BLZF1: variants seen among roughly 807,000 people sequenced by gnomAD.
The protein encoded by BLZF1 is golgin-45.
BLZF1 carries 39 observed loss-of-function variants against 43.8 expected under a neutral mutation model. The ratio of observed to expected loss-of-function variants is 0.89; its 90% CI spans 0.69 to 1.16. The LOEUF is 1.16. BLZF1 is among the 50% of genes most tolerant of loss of function. The probability of loss-of-function intolerance (pLI) is 0.00; values close to 1 mark genes in which losing one functional copy is unlikely to be tolerated. For synonymous variants in BLZF1, 136 were observed against 159.4 expected, an observed-to-expected ratio of 0.85 and a Z score of 1.11; for missense variants, 449 against 469.8, an observed-to-expected ratio of 0.96 and a Z score of 0.41.
chr1:169,382,372 AT>A, intron 6 of BLZF1, 91 bp downstream of exon 6: 1 of 1,160,628 alleles, frequency 8.6e-7, no homozygotes, highest in Non-Finnish European at 1.2e-6. Context: ...GGCATTAGGA[AT>A]TAGGAAATGT....
At chr1:169,392,293 G>A (rs1036101631), downstream of BLZF1, among the ~76,000 whole-genome samples, 5 of 152,146 alleles carry the variant, frequency 3.3e-5, no homozygotes, top group South Asian at 2.1e-4. Flanking sequence ...AAAACAATGC[G>A]GAAAAGGCCA....
chr1:169,378,016 G>C (rs188307899), intron 3 of BLZF1, among the ~76,000 whole-genome samples: 5 of 151,720 alleles, frequency 3.3e-5, no homozygotes, highest in African/African-American at 9.7e-5. Flanking sequence ...AAAATATATT[G>C]GTTTTGTTTT....
Position 169,382,273 on chromosome 1 carries a change from G to T in BLZF1, c.1009G>T (p.Ala337Ser). The change falls in exon 6 of 7, where the codon GCT becomes TCT. Residue 337 changes from alanine to serine, a missense_variant. Ala to Ser is a moderately conservative substitution (Grantham distance 99). Transcript: ENST00000367808. ...EFCSTPAEKMAETVLRILDPV... is the reference protein window; with the variant it reads ...EFCSTPAEKMSETVLRILDPV... ...CTGCAGCACCCCAGCTGAGAAAATG[G>T]CTGAAACGGTAAAATATTTTCTTTT... 4 of 1,612,772 alleles carry T rather than the reference G, an allele frequency of 2.5e-6. No homozygotes were observed.
chr1:169,377,077 A>G, intron 3 of BLZF1, 98 bp downstream of exon 3: 2 of 983,160 alleles, frequency 2.0e-6, no homozygotes, highest in Non-Finnish European at 3.0e-6. Flanking sequence ...TGGGAATGTC[A>G]TTCATCCTAG....
At chr1:169,377,472 C>T (rs569882329) in intron 3 of BLZF1, 2 of 153,112 alleles carry the variant, frequency 1.3e-5, no homozygotes, top group Admixed American at 1.3e-4. Context: ...ATTGCCTTGC[C>T]CCTTCCCTTG....
rs1410201533 is a variant in BLZF1 at position 169,376,641 on chromosome 1, C to T, written c.130C>T (p.His44Tyr). 1 of 1,613,328 alleles carries T rather than the reference C, an allele frequency of 6.2e-7. No homozygotes were observed. Among genetic ancestry groups the T allele is most frequent in the South Asian group, 1.1e-5 (1 of 91,056 alleles). Residue 44 changes from histidine to tyrosine, a missense_variant, in exon 3 of 7, where the codon CAT (histidine) becomes TAT (tyrosine). By Grantham distance (83) the His-to-Tyr change is moderately conservative (BLOSUM62 2). Coordinates refer to ENST00000367808, the MANE Select transcript of BLZF1 (RefSeq NM_001320973.2). Reference sequence around the variant, plus strand: ...TACCTCCGGAGTCCAATCTAGAAAGCATCATAGTCTTCAGAGTCCATGGAA... The same window carrying T: ...TACCTCCGGAGTCCAATCTAGAAAGTATCATAGTCTTCAGAGTCCATGGAA... ...EVTSGVQSRKHHSLQSPWKKA... is the reference protein window; with the variant it reads ...EVTSGVQSRKYHSLQSPWKKA...
intron 6 of BLZF1, among the ~76,000 whole-genome samples, chr1:169,383,548 C>T (rs998456819): frequency 2.0e-5 from 3 of 152,114 alleles, no homozygotes; most frequent in Non-Finnish European, 2.9e-5. Context: ...CAATTCCTAC[C>T]GTCACTTAAA....
chr1:169,376,918 C>G lies in BLZF1; in HGVS notation c.407C>G (p.Ser136Cys). 1 of 1,613,232 alleles carries G rather than the reference C, an allele frequency of 6.2e-7. No homozygotes were observed. The highest frequency in any genetic ancestry group is 8.5e-7 in the Non-Finnish European group (1 of 1,179,508). ...AATGTATTGGAAAAGCTCAAGAATTCTGAAAGAAGGTTACTACAGGACAAA... is the reference window on the plus strand; with the variant it reads ...AATGTATTGGAAAAGCTCAAGAATTGTGAAAGAAGGTTACTACAGGACAAA... ...VKNVLEKLKNSERRLLQDKEG... is the reference protein window; with the variant it reads ...VKNVLEKLKNCERRLLQDKEG... Residue 136 changes from serine to cysteine, a missense_variant, in exon 3 of 7, where the codon TCT becomes TGT. Transcript: ENST00000367808.
Position 169,376,529 on chromosome 1 carries a change from CT to C in BLZF1, c.29-6del. On this transcript the variant is annotated splice_polypyrimidine_tract_variant and intron_variant, in intron 2 of 6. Transcript: ENST00000367808. ...TGGTAAGTAGTTTCTGTTTTGTTTC[CT>C]TTTTGTTAGTCACCGTTACTTCATC... The C allele has an allele frequency of 1.3e-6, 2 of 1,570,748 alleles. No individual in the cohort carries two copies. The highest frequency in any genetic ancestry group is 1.7e-6 in the Non-Finnish European group (2 of 1,162,944).
intron 6 of BLZF1, among the ~76,000 whole-genome samples, chr1:169,386,733 C>T (rs1233322669): frequency 6.6e-6 from 1 of 151,318 alleles, no homozygotes; most frequent in East Asian, 1.9e-4. Context: ...CTATGTTTTC[C>T]TGCTTTCCTA....
chr1:169,376,645 A>G lies in BLZF1; in HGVS notation c.134A>G (p.His45Arg), dbSNP rs112226207. 572 of 1,613,372 alleles carry G rather than the reference A, an allele frequency of 3.5e-4. 3 individuals are homozygous for G. The African/African-American group carries it at 6.8e-3, about 19-fold the overall frequency. ...TCCGGAGTCCAATCTAGAAAGCATCATAGTCTTCAGAGTCCATGGAAGAAA... is the reference window on the plus strand; with the variant it reads ...TCCGGAGTCCAATCTAGAAAGCATCGTAGTCTTCAGAGTCCATGGAAGAAA... The part of the protein sequence containing the change: ...VTSGVQSRKH[H>R]SLQSPWKKAV... Residue 45 changes from histidine (H) to arginine (R), a missense_variant, in exon 3 of 7, where the codon CAT becomes CGT. His to Arg is a conservative substitution (Grantham distance 29). Coordinates refer to ENST00000367808, the MANE Select transcript of BLZF1 (RefSeq NM_001320973.2).
At chr1:169,391,415 A>G (rs760244334), downstream of BLZF1, among the ~76,000 whole-genome samples, 2 of 152,154 alleles carry the variant, frequency 1.3e-5, no homozygotes, top group African/African-American at 4.8e-5. Flanking sequence ...TCTCCTTGCA[A>G]GCCACTGGCC....
At chr1:169,383,063 C>T (rs940619240) in intron 6 of BLZF1, among the ~76,000 whole-genome samples, 1 of 152,188 alleles carries the variant, frequency 6.6e-6, no homozygotes. Flanking sequence ...AAGTGCCTTA[C>T]TGCCTTATCT....
intron 2 of BLZF1, among the ~76,000 whole-genome samples, chr1:169,370,652 T>C (rs1340723698): frequency 6.6e-6 from 1 of 152,254 alleles, no homozygotes; most frequent in Non-Finnish European, 1.5e-5. Flanking sequence ...TTTCAATCAT[T>C]GAAGAAAATT....
intron 2 of BLZF1, among the ~76,000 whole-genome samples, chr1:169,370,294 T>A (rs1441460303): frequency 6.6e-6 from 1 of 152,222 alleles, no homozygotes; most frequent in Admixed American, 6.5e-5. Context: ...AAATGAAGTC[T>A]CATTCTGAGG....
At chr1:169,376,465 G>T in intron 2 of BLZF1, 75 bp from the exon 3 acceptor site, 1 of 1,251,074 alleles carries the variant, frequency 8.0e-7, no homozygotes, top group Non-Finnish European at 1.1e-6. Flanking sequence ...TTTGAATATA[G>T]GGTATAGCAT....
chr1:169,384,680 C>G (rs1654620842), intron 6 of BLZF1, among the ~76,000 whole-genome samples: 1 of 152,126 alleles, frequency 6.6e-6, no homozygotes, highest in Non-Finnish European at 1.5e-5. Context: ...CTACCCTCCC[C>G]ACACCTCTTT....
In BLZF1 at chr1:169,380,512, G is replaced by A; in HGVS notation, c.700G>A (p.Ala234Thr). The change falls in exon 5 of 7, where the codon GCA (alanine) becomes ACA (threonine). Residue 234 changes from alanine (A) to threonine (T), a missense_variant. Ala to Thr is a moderately conservative substitution (Grantham distance 58, BLOSUM62 0). Transcript: ENST00000367808. ...VMADELTNSR[A>T]ALQRQNRDAH... Reference sequence around the variant, plus strand: ...GGCAGATGAGTTAACCAACTCAAGAGCAGCTTTACAGCGTCAAAACCGTGA... The same window carrying A: ...GGCAGATGAGTTAACCAACTCAAGAACAGCTTTACAGCGTCAAAACCGTGA... The A allele has an allele frequency of 6.2e-7, 1 of 1,612,120 alleles. No individual in the cohort carries two copies. The highest frequency in any genetic ancestry group is 1.1e-5 in the South Asian group (1 of 90,948).
chr1:169,381,521 A>G (rs1277084786), intron 5 of BLZF1, among the ~76,000 whole-genome samples: 5 of 152,098 alleles, frequency 3.3e-5, no homozygotes, highest in Admixed American at 2.6e-4. Flanking sequence ...AGAGAAGGAA[A>G]CAATTTCCAG....
Sources: gnomAD v4.1 joint callset for allele counts (sites outside exome capture counted in the v4.1 genomes callset) on GRCh38, gnomAD v4.1.1 for gene constraint, MANE v1.5 for transcripts, NCBI Gene and HGNC (gene_info 2026-07-23, HGNC 2026-07-21) for gene names.